The following CACNA2D4 variants were observed in gnomAD, a reference collection of about 807,000 sequenced individuals.
CACNA2D4 encodes the protein calcium voltage-gated channel auxiliary subunit alpha2delta 4.
CACNA2D4 carries 157 observed loss-of-function variants against 163.8 expected under a neutral mutation model. That is an observed-to-expected ratio of 0.96 (90% CI 0.84 to 1.09). CACNA2D4 has a LOEUF of 1.09. CACNA2D4 is among the 50% of genes least tolerant of loss of function. CACNA2D4 has a pLI of 0.00. For missense variants in CACNA2D4, 1,410 were observed against 1,479.9 expected (o/e 0.95, Z 0.78); for synonymous variants, 598 against 586.9 (o/e 1.02, Z -0.27).
At chr12:1,911,021 A>ATTTTTTTTTTTTTTT (rs374264665) in intron 3 of CACNA2D4, among the ~76,000 whole-genome samples, 1 of 133,482 alleles carries the variant, frequency 7.5e-6, no homozygotes. Context: ...CCGCAATACA[A>ATTTTTTTTTTTTTTT]TTTTTTTTTT....
chr12:1,907,252 T>C (rs1224929242), intron 6 of CACNA2D4, among the ~76,000 whole-genome samples, 188 bp downstream of exon 6: 1 of 152,214 alleles, frequency 6.6e-6, no homozygotes, highest in East Asian at 1.9e-4. Flanking sequence ...ATTCATCCAT[T>C]CCACAGCCCT....
intron 26 of CACNA2D4, chr12:1,835,711 G>A (rs1358107869): frequency 6.5e-6 from 1 of 152,708 alleles, no homozygotes; most frequent in Non-Finnish European, 1.5e-5. Context: ...TACCACCCAG[G>A]GGCCTGGAGC....
At position 1,860,204 on chromosome 12, in the gene CACNA2D4, C is replaced by A. The variant is rs752920983; in HGVS notation, c.1881G>T (p.Lys627Asn). The change falls in exon 19 of 38, where the codon AAG becomes AAT. Residue 627 changes from lysine (K) to asparagine (N), a missense_variant and splice_region_variant. By Grantham distance (94) the Lys-to-Asn change is moderately conservative. Transcript: ENST00000382722. ...AGTCATTGGTCAGGAAAAGAACTCGCTTCTGAAAGAGTAGACAAGGAAAGA... is the reference window on the plus strand; with the variant it reads ...AGTCATTGGTCAGGAAAAGAACTCGATTCTGAAAGAGTAGACAAGGAAAGA... ...MDVKVPMDKGKRVLFLTNDYF... is the reference protein window; with the variant it reads ...MDVKVPMDKGNRVLFLTNDYF... 2.5e-6 allele frequency: 4 copies of A among 1,613,206 alleles called. No individual in the cohort carries two copies. Among genetic ancestry groups the A allele is most frequent in the Non-Finnish European group, 3.4e-6 (4 of 1,179,524 alleles).
intron 26 of CACNA2D4, among the ~76,000 whole-genome samples, chr12:1,827,065 A>G (rs1393244875): frequency 6.6e-6 from 1 of 152,210 alleles, no homozygotes; most frequent in Non-Finnish European, 1.5e-5. Context: ...CGCCTGGAGC[A>G]GTGGGCTGAC....
chr12:1,799,868 G>A lies in CACNA2D4; in HGVS notation c.2974+132C>T. On this transcript the variant is annotated intron_variant, in intron 33 of 37. Coordinates refer to ENST00000382722, the MANE Select transcript of CACNA2D4 (RefSeq NM_172364.5). This position sits in a 1 kb window ranked among gnomAD's most constrained non-coding sequence, Gnocchi z 4.7. ...ATGTGATGAGAGAAGGCCACGCAGG[G>A]TGAGATGTGAACAACGATGCTTCAG... The A allele has an allele frequency of 8.0e-7, 1 of 1,255,432 alleles. No homozygotes were observed. The highest frequency in any genetic ancestry group is 1.3e-5 in the South Asian group (1 of 76,726). The allele number at this position is 1,255,432 out of a possible 1,614,324, so 77.8% of individuals were successfully genotyped here. A position where few individuals can be genotyped will look rare whatever the true frequency, so the allele number is the denominator to read the frequency against.
At chr12:1,858,727 CA>C (rs1865457239) in intron 19 of CACNA2D4, 83 bp from the exon 20 acceptor site, 4 of 1,087,318 alleles carry the variant, frequency 3.7e-6, no homozygotes, top group Non-Finnish European at 4.0e-6. Context: ...CCCTTACCAA[CA>C]CTAGGTGTAT....
intron 6 of CACNA2D4, among the ~76,000 whole-genome samples, chr12:1,899,086 G>A (rs2154450829): frequency 6.6e-6 from 1 of 152,100 alleles, no homozygotes; most frequent in Admixed American, 6.5e-5. Context: ...GATAGTAAAT[G>A]TTTATATTAT....
At chr12:1,816,991 A>T (rs1863898725) in intron 26 of CACNA2D4, among the ~76,000 whole-genome samples, 1 of 152,272 alleles carries the variant, frequency 6.6e-6, no homozygotes, top group Admixed American at 6.5e-5. Context: ...CTGTGGTCCC[A>T]GGAGTCAGAA....
At chr12:1,880,354 C>T (rs986582760) in intron 13 of CACNA2D4, among the ~76,000 whole-genome samples, 1 of 152,240 alleles carries the variant, frequency 6.6e-6, no homozygotes, top group South Asian at 2.1e-4. Context: ...AAGCACACCC[C>T]GAGGCACTGC....
At chr12:1,842,440 C>G (rs1865046325) in intron 25 of CACNA2D4, among the ~76,000 whole-genome samples, 2 of 152,276 alleles carry the variant, frequency 1.3e-5, no homozygotes, top group Admixed American at 6.5e-5. Flanking sequence ...CGGTTGTTTT[C>G]CTTCTTTTGG....
chr12:1,865,183 C>T (rs1565718010), intron 18 of CACNA2D4, among the ~76,000 whole-genome samples: 1 of 152,198 alleles, frequency 6.6e-6, no homozygotes, highest in Non-Finnish European at 1.5e-5. Context: ...GCGTCTTGCT[C>T]GTGGCGCGTC....
chr12:1,884,924 AC>A (rs1407046595), intron 10 of CACNA2D4, 43 bp from the exon 11 acceptor site: 13 of 1,596,518 alleles, frequency 8.1e-6, no homozygotes, highest in Non-Finnish European at 1.0e-5. Context: ...GGCCAAGCCC[AC>A]CCCCCTCCAC....
chr12:1,831,521 C>T, intron 26 of CACNA2D4: 1 of 1,611,182 alleles, frequency 6.2e-7, no homozygotes, highest in South Asian at 1.1e-5. Context: ...GGTTCTCCTA[C>T]CGAGGTGAGC....
intron 6 of CACNA2D4, among the ~76,000 whole-genome samples, chr12:1,894,422 G>A (rs1592740299): frequency 6.6e-6 from 1 of 152,140 alleles, no homozygotes; most frequent in Admixed American, 6.5e-5. Flanking sequence ...ACCAGATAAA[G>A]ACACAACAAC....
rs538342938 is a variant in CACNA2D4, at chr12:1,847,337, G to A, written c.2247-648C>T. ...TTGTCTTTGGCACAGTGGATAGGAG[G>A]CTATTACCTAGTTCCTCTCCATGCC... On this transcript the variant is annotated intron_variant, in intron 23 of 37. Transcript: ENST00000382722. Among the ~76,000 whole-genome samples the A allele has an allele frequency of 2.0e-5, 3 of 152,196 alleles. No individual in the cohort carries two copies. The South Asian group carries it at 6.2e-4, about 32-fold the overall frequency.
chr12:1,815,573 G>A (rs372565247), intron 26 of CACNA2D4, among the ~76,000 whole-genome samples: 1 of 151,138 alleles, frequency 6.6e-6, no homozygotes, highest in South Asian at 2.1e-4. Flanking sequence ...GCAGGCAGGG[G>A]ATTGAGTTTT....
Position 1,793,544 on chromosome 12 carries a change from T to C in CACNA2D4, c.*111A>G. On this transcript the variant is annotated 3_prime_UTR_variant, in exon 38 of 38. Transcript: ENST00000382722. ...CACCAGCCCAGGATTGAGAGGAGCG[T>C]TGGCCTGGGGGCGACCCAACTGCAG... 5.6e-6 allele frequency: 5 copies of C among 894,018 alleles called. No homozygotes were observed. Among genetic ancestry groups the C allele is most frequent in the East Asian group, 5.2e-5 (2 of 38,368 alleles). 55.4% of individuals were successfully genotyped at this position (894,018 alleles called of 1,614,324 possible). A position where few individuals can be genotyped will look rare whatever the true frequency, so the allele number is the denominator to read the frequency against.
rs570265775 is a variant in CACNA2D4 at position 1,912,262 on chromosome 12, T to C, written c.426+761A>G. Among the ~76,000 whole-genome samples, 7 of 152,278 alleles carry C rather than the reference T, an allele frequency of 4.6e-5. No individual in the cohort carries two copies. In the East Asian group the frequency reaches 1.2e-3, roughly 25 times the overall value. Reference sequence around the variant, plus strand: ...CGAGTCCTTTCAGGGAGAGCACTGGTCTTGGATGGTCCGATTCTTGGCTGG... The same window carrying C: ...CGAGTCCTTTCAGGGAGAGCACTGGCCTTGGATGGTCCGATTCTTGGCTGG... On this transcript the variant is annotated intron_variant, in intron 3 of 37. Transcript: ENST00000382722.
At chr12:1,841,442 T>C (rs1482260884) in intron 25 of CACNA2D4, among the ~76,000 whole-genome samples, 1 of 152,230 alleles carries the variant, frequency 6.6e-6, no homozygotes, top group African/African-American at 2.4e-5. Flanking sequence ...TTGCCTCGCA[T>C]TGCTCTCTCC....
Sources: allele counts gnomAD v4.1 joint callset (sites outside exome capture counted in the v4.1 genomes callset), GRCh38; gene constraint gnomAD v4.1.1; non-coding constraint Gnocchi (gnomAD v3.1); transcripts MANE v1.5; gene names NCBI Gene and HGNC (gene_info 2026-07-23, HGNC 2026-07-21).